The following GPR37 variants were observed in gnomAD, a reference collection of about 807,000 sequenced individuals.
GPR37 encodes the protein G protein-coupled receptor 37.
Under a neutral mutation model 43.6 loss-of-function variants are expected in GPR37, and 20 were observed. The observed-to-expected ratio is 0.46, with a 90% confidence interval of 0.32 to 0.67. The LOEUF (loss-of-function observed/expected upper bound fraction) is 0.67. Among genes scored for constraint, GPR37 ranks in the 30% least tolerant of loss-of-function variants. The probability of loss-of-function intolerance (pLI) is 0.03; values close to 1 mark genes in which losing one functional copy is unlikely to be tolerated. For synonymous variants in GPR37, 315 were observed against 322.6 expected (o/e 0.98, Z 0.25); for missense variants, 724 against 797.2 (o/e 0.91, Z 1.11).
rs1793906612 is a variant in GPR37, at chr7:124,765,215, G to T, written c.-239C>A. The T allele has an allele frequency of 2.2e-6, 1 of 445,736 alleles. No homozygotes were observed. Among genetic ancestry groups the T allele is most frequent in the Admixed American group, 3.9e-5 (1 of 25,504 alleles). 27.6% of individuals were successfully genotyped at this position (445,736 alleles called of 1,614,324 possible). A position where few individuals can be genotyped will look rare whatever the true frequency, so the allele number is the denominator to read the frequency against. On this transcript the variant is annotated 5_prime_UTR_variant, in exon 1 of 2. Coordinates refer to ENST00000303921, the MANE Select transcript of GPR37 (RefSeq NM_005302.5). ...CTCAGCCAAGTTGAGTCCCAGCAAG[G>T]TATGCCCTCCAAGGTTCCTAGAGGG... is the stretch of plus-strand genomic sequence containing the variant.
intron 1 of GPR37, among the ~76,000 whole-genome samples, chr7:124,757,473 C>CA (rs1182575602): frequency 6.6e-6 from 1 of 151,886 alleles, no homozygotes; most frequent in Admixed American, 6.6e-5. Context: ...CTAAAGGAAA[C>CA]AAAAAAGCAA....
rs1258294706 is a variant in GPR37, at chr7:124,764,972, C to T, written c.5G>A (p.Arg2Gln). M[R>Q]APGALLARMS... is the part of the protein sequence containing the mutation. ...GCGGGCGAGAAGCGCGCCCGGGGCT[C>T]GCATGGCTTGGTGAGGGCACACCCG... The change falls in exon 1 of 2, where the codon CGA becomes CAA. Residue 2 changes from arginine to glutamine, a missense_variant. This residue lies in a region of GPR37 where 382 missense variants were observed against 355.4 expected (regional missense o/e 1.07). Transcript: ENST00000303921. The surrounding 1 kb of genome is among the most constrained non-coding windows in gnomAD (Gnocchi z 5.4). 6.8e-7 allele frequency: 1 copy of T among 1,478,246 alleles called. No homozygotes were observed. Among genetic ancestry groups the T allele is most frequent in the South Asian group, 1.4e-5 (1 of 72,908 alleles). The allele number at this position is 1,478,246 out of a possible 1,614,324, so 91.6% of individuals were successfully genotyped here.
At chr7:124,747,392 C>A in intron 1 of GPR37, 49 bp from the exon 2 acceptor site, 5 of 1,212,036 alleles carry the variant, frequency 4.1e-6, no homozygotes, top group South Asian at 3.0e-5. Flanking sequence ...CCCGAAAGAT[C>A]AAAGCACTAG....
chr7:124,759,884 A>T (rs1356563295), intron 1 of GPR37, among the ~76,000 whole-genome samples: 1 of 152,218 alleles, frequency 6.6e-6, no homozygotes, highest in Non-Finnish European at 1.5e-5. Context: ...TATAGTTTTT[A>T]CTCAAGAAGT....
chr7:124,764,341 A>C lies in GPR37; in HGVS notation c.636T>G (p.Ile212Met), dbSNP rs1186991895. Reference sequence around the variant, plus strand: ...GGGCCAGCGCCCGGCCCGGGAGTGCAATTGTCCACCCTTCGTGCCCCGCCA... The same window carrying C: ...GGGCCAGCGCCCGGCCCGGGAGTGCCATTGTCCACCCTTCGTGCCCCGCCA... ...NGLAGHEGWT[I>M]ALPGRALAQN... Residue 212 changes from isoleucine to methionine, a missense_variant, in exon 1 of 2, where the codon ATT (isoleucine) becomes ATG (methionine). Coordinates refer to ENST00000303921, the MANE Select transcript of GPR37 (RefSeq NM_005302.5). The surrounding 1 kb of genome is among the most constrained non-coding windows in gnomAD (Gnocchi z 5.4). 1 of 1,612,846 alleles carries C rather than the reference A, an allele frequency of 6.2e-7. No individual in the cohort carries two copies.
At chr7:124,751,885 G>C (rs373589512) in intron 1 of GPR37, among the ~76,000 whole-genome samples, 17 of 152,170 alleles carry the variant, frequency 1.1e-4, no homozygotes, top group Middle Eastern at 3.4e-3. Context: ...AGCAACAAAA[G>C]CAGAACTGTA....
intron 1 of GPR37, among the ~76,000 whole-genome samples, chr7:124,750,145 A>G (rs190761337): frequency 1.8e-4 from 27 of 152,274 alleles, no homozygotes; most frequent in Non-Finnish European, 3.5e-4. Flanking sequence ...ATCAAACAGT[A>G]TCATGTAGAA....
rs572491083 is a variant in GPR37 at position 124,758,987 on chromosome 7, G to A, written c.1023+4967C>T. Among the ~76,000 whole-genome samples the A allele has an allele frequency of 1.6e-4, 24 of 151,904 alleles. 1 individual carries two copies. Among genetic ancestry groups the A allele is most frequent in the Non-Finnish European group, 2.4e-4 (16 of 67,976 alleles). On this transcript the variant is annotated intron_variant, in intron 1 of 1. Transcript: ENST00000303921. ...CTGTTATCTGGGATCTCGGTCAGAT[G>A]ATACCTTGATTCTGACTTCCATTAA...
In GPR37 at chr7:124,765,289, G is replaced by C. The variant is rs1288523719; in HGVS notation, c.-313C>G. 3.1e-6 allele frequency: 1 copy of C among 322,696 alleles called. No individual in the cohort carries two copies. The highest frequency in any genetic ancestry group is 5.0e-5 in the East Asian group (1 of 20,164). 20.0% of individuals were successfully genotyped at this position (322,696 alleles called of 1,614,324 possible). ...CCTTGAAAAGTTGCAATCAACACCTGACTGTTGATTACTGTTGAGACTCGG... is the reference window on the plus strand; with the variant it reads ...CCTTGAAAAGTTGCAATCAACACCTCACTGTTGATTACTGTTGAGACTCGG... On this transcript the variant is annotated 5_prime_UTR_variant, in exon 1 of 2. Coordinates refer to ENST00000303921, the MANE Select transcript of GPR37 (RefSeq NM_005302.5).
At chr7:124,747,414 A>C in intron 1 of GPR37, 71 bp from the exon 2 acceptor site, 1 of 957,744 alleles carries the variant, frequency 1.0e-6, no homozygotes. Flanking sequence ...AAATAAATGC[A>C]GATTGGCAAA....
intron 1 of GPR37, among the ~76,000 whole-genome samples, chr7:124,756,228 G>A (rs1473480117): frequency 6.6e-6 from 1 of 152,098 alleles, no homozygotes; most frequent in African/African-American, 2.4e-5. Context: ...TGAGGAAGGG[G>A]CTATTTTGAC....
intron 1 of GPR37, among the ~76,000 whole-genome samples, chr7:124,748,300 G>C (rs1412426885): frequency 6.6e-6 from 1 of 152,036 alleles, no homozygotes; most frequent in East Asian, 1.9e-4. Context: ...TTCTAACTGG[G>C]AGCCTGAACT....
At chr7:124,763,783 TC>T (rs1176967983) in intron 1 of GPR37, among the ~76,000 whole-genome samples, 170 bp downstream of exon 1, 1 of 152,194 alleles carries the variant, frequency 6.6e-6, no homozygotes, top group Non-Finnish European at 1.5e-5. Flanking sequence ...CGAAGCTGCC[TC>T]TTTTTGTATA....
chr7:124,747,437 A>C (rs1470939719), intron 1 of GPR37, 94 bp from the exon 2 acceptor site: 1 of 725,446 alleles, frequency 1.4e-6, no homozygotes, highest in Non-Finnish European at 2.3e-6. Context: ...TGTAAAAAAA[A>C]ATATGGATAA....
chr7:124,752,458 C>T (rs2267708), intron 1 of GPR37, among the ~76,000 whole-genome samples: 71,302 of 151,898 alleles, frequency 0.47, 16,918 homozygotes, highest in East Asian at 0.51. Flanking sequence ...AGTTGCTTTA[C>T]ATATGGAATC....
intron 1 of GPR37, among the ~76,000 whole-genome samples, chr7:124,763,629 C>A (rs1371406347): frequency 6.6e-6 from 1 of 151,740 alleles, no homozygotes; most frequent in Non-Finnish European, 1.5e-5. Context: ...TTTACTTAAC[C>A]CTAAAATCTC....
rs148884989 is a variant in GPR37 at position 124,757,685 on chromosome 7, C to T, written c.1023+6269G>A. ...TTTCAGTGCCATTTCTGAGCTTCCACGATGCTTTGTTCAAACCTCTATTAT... is the reference window on the plus strand; with the variant it reads ...TTTCAGTGCCATTTCTGAGCTTCCATGATGCTTTGTTCAAACCTCTATTAT... On this transcript the variant is annotated intron_variant, in intron 1 of 1. Coordinates refer to ENST00000303921, the MANE Select transcript of GPR37 (RefSeq NM_005302.5). Among the ~76,000 whole-genome samples, 5 of 152,274 alleles carry T rather than the reference C, an allele frequency of 3.3e-5. No individual in the cohort carries two copies. The East Asian group carries it at 7.7e-4, about 23-fold the overall frequency.
chr7:124,745,656 C>G lies in GPR37; in HGVS notation c.*869G>C, dbSNP rs1793662599. On this transcript the variant is annotated 3_prime_UTR_variant, in exon 2 of 2. Transcript: ENST00000303921. Reference sequence around the variant, plus strand: ...TCAAAGGTCAGTGTTCAGAGGAAATCAGATGACAACTGCATTTTAAAATTC... The same window carrying G: ...TCAAAGGTCAGTGTTCAGAGGAAATGAGATGACAACTGCATTTTAAAATTC... Among the ~76,000 whole-genome samples, 1 of 152,128 alleles carries G rather than the reference C, an allele frequency of 6.6e-6. No individual in the cohort carries two copies. The highest frequency in any genetic ancestry group is 1.5e-5 in the Non-Finnish European group (1 of 68,022).
At chr7:124,753,153 A>G (rs1793751793) in intron 1 of GPR37, among the ~76,000 whole-genome samples, 1 of 152,114 alleles carries the variant, frequency 6.6e-6, no homozygotes, top group African/African-American at 2.4e-5. Context: ...TTATAATGAT[A>G]ATTTTAGGGG....
Sources: gnomAD v4.1 joint callset for allele counts (sites outside exome capture counted in the v4.1 genomes callset) on GRCh38, gnomAD v4.1.1 for gene constraint, gnomAD v4.1.1 regional missense constraint, Gnocchi (gnomAD v3.1) non-coding constraint, MANE v1.5 for transcripts, NCBI Gene and HGNC (gene_info 2026-07-23, HGNC 2026-07-21) for gene names.